The following MXD4 variants were observed in gnomAD, a reference collection of about 807,000 sequenced individuals.
MXD4 encodes Mad4 homolog.
MXD4 carries 16 observed loss-of-function variants against 24.5 expected under a neutral mutation model. That is an observed-to-expected ratio of 0.65 (90% CI 0.44 to 0.99). MXD4 has a LOEUF of 0.99. Ranked by LOEUF, MXD4 falls within the 50% of genes least tolerant of loss-of-function variation. MXD4 has a pLI of 0.00. For missense variants in MXD4, 301 were observed against 301.5 expected, an observed-to-expected ratio of 1.00 and a Z score of 0.01; for synonymous variants, 164 against 134.2, an observed-to-expected ratio of 1.22 and a Z score of -1.54.
chr4:2,250,860 C>G (rs558212285), intron 5 of MXD4, among the ~76,000 whole-genome samples, 159 bp from the exon 6 acceptor site: 1 of 152,296 alleles, frequency 6.6e-6, no homozygotes, highest in East Asian at 1.9e-4. Context: ...TGGCTGAGAA[C>G]CCGGCCTCAG....
chr4:2,252,274 C>T lies in MXD4; in HGVS notation c.309+134G>A, dbSNP rs534313553. ...CCACCAGGCCCCCGACACACACCCGCCAGATGGCTCCCCACCCATCTTCAG... is the reference window on the plus strand; with the variant it reads ...CCACCAGGCCCCCGACACACACCCGTCAGATGGCTCCCCACCCATCTTCAG... On this transcript the variant is annotated intron_variant, in intron 4 of 5. Transcript: ENST00000337190. 2.5e-5 allele frequency: 18 copies of T among 706,790 alleles called. No homozygotes were observed. The African/African-American group carries it at 3.0e-4, about 12-fold the overall frequency. 43.8% of individuals were successfully genotyped at this position (706,790 alleles called of 1,614,324 possible).
chr4:2,251,950 A>T (rs1007236648), intron 4 of MXD4, among the ~76,000 whole-genome samples: 1 of 152,050 alleles, frequency 6.6e-6, no homozygotes, highest in African/African-American at 2.4e-5. Flanking sequence ...CTGAGCCCAG[A>T]CCCACTGCCA....
intron 4 of MXD4, 92 bp from the exon 5 acceptor site, chr4:2,251,338 G>C: frequency 2.1e-6 from 3 of 1,405,248 alleles, no homozygotes; most frequent in Non-Finnish European, 2.8e-6. Flanking sequence ...CTGGGCCCGG[G>C]AGGTTCCCCA....
intron 3 of MXD4, chr4:2,252,761 C>T (rs1009225891): frequency 2.3e-5 from 11 of 472,470 alleles, no homozygotes; most frequent in African/African-American, 2.2e-4. Context: ...CCTGCAAAGC[C>T]TCAGCGCGTC....
At chr4:2,258,771 G>A (rs1735480789) in intron 2 of MXD4, 3 of 399,518 alleles carry the variant, frequency 7.5e-6, no homozygotes, top group Non-Finnish European at 1.5e-5. Flanking sequence ...GTAGGCACAG[G>A]GGGACACTGA....
Position 2,251,083 on chromosome 4 carries a change from C to T in MXD4, c.472+1G>A. ...AGGCTGCCCCGCGCCCCACGCCCCA[C>T]CTTGCTCTGAGTCGTCCGTGGAGAC... On this transcript the variant is annotated splice_donor_variant, in intron 5 of 5. Transcript: ENST00000337190. LOFTEE classifies it high-confidence loss of function. The T allele has an allele frequency of 2.6e-6, 4 of 1,568,298 alleles. No individual in the cohort carries two copies. The highest frequency in any genetic ancestry group is 3.5e-6 in the Non-Finnish European group (4 of 1,151,454).
chr4:2,251,274 C>G (rs1166742770), intron 4 of MXD4, 28 bp from the exon 5 acceptor site: 1 of 1,557,016 alleles, frequency 6.4e-7, no homozygotes, highest in Admixed American at 1.8e-5. Flanking sequence ...TGTGAGCTCA[C>G]AGCGGGAAGA....
chr4:2,258,829 G>A, intron 2 of MXD4: 1 of 446,178 alleles, frequency 2.2e-6, no homozygotes, highest in Non-Finnish European at 4.5e-6. Context: ...AGGATGGGCT[G>A]CCCTGGAGGC....
At position 2,257,954 on chromosome 4, in the gene MXD4, TCATGTGGGG is replaced by T; in HGVS notation, c.194+19_194+27del. On this transcript the variant is annotated intron_variant, in intron 3 of 5. Coordinates refer to ENST00000337190, the MANE Select transcript of MXD4 (RefSeq NM_006454.3). ...TAAAAGGGTGGGCCAGGTGTCGGGC[TCATGTGGGG>T]AACTGGGGGGTCACTTACCTGTGCT... The T allele has an allele frequency of 1.2e-6, 2 of 1,613,574 alleles. No homozygotes were observed. Among genetic ancestry groups the T allele is most frequent in the Non-Finnish European group, 1.7e-6 (2 of 1,179,880 alleles).
At chr4:2,252,562 G>A (rs767553386) in intron 3 of MXD4, 40 bp from the exon 4 acceptor site, 2 of 1,487,840 alleles carry the variant, frequency 1.3e-6, no homozygotes, top group East Asian at 2.3e-5. Context: ...CTGGGGTGGG[G>A]GAGGGCAGCA....
chr4:2,260,860 G>C (rs897338337), intron 2 of MXD4, among the ~76,000 whole-genome samples: 13 of 152,196 alleles, frequency 8.5e-5, no homozygotes, highest in Non-Finnish European at 1.6e-4. Context: ...GGCCCAGACA[G>C]GACCAGGTGT....
At chr4:2,259,713 G>C (rs776130046) in intron 2 of MXD4, among the ~76,000 whole-genome samples, 1 of 152,266 alleles carries the variant, frequency 6.6e-6, no homozygotes, top group Non-Finnish European at 1.5e-5. Flanking sequence ...GGGGTCCATC[G>C]AGGGGGATGT....
intron 3 of MXD4, chr4:2,252,776 C>T (rs989653766): frequency 1.2e-5 from 5 of 410,018 alleles, no homozygotes; most frequent in Non-Finnish European, 2.2e-5. Context: ...CGCGTCACCG[C>T]CAGGCATTTC....
rs142138712 is a variant in MXD4 at position 2,260,662 on chromosome 4, A to C, written c.164+1063T>G. ...GGGCTGGGACTCAGGGACGGGTCCC[A>C]GCCAGGGCAGCTGGAGACTCAACCA... On this transcript the variant is annotated intron_variant, in intron 2 of 5. Coordinates refer to ENST00000337190, the MANE Select transcript of MXD4 (RefSeq NM_006454.3). The C allele has an allele frequency of 6.0e-4, 265 of 441,264 alleles. 2 individuals carry two copies. The highest frequency in any genetic ancestry group is 5.0e-3 in the African/African-American group (246 of 49,522). 27.3% of individuals were successfully genotyped at this position (441,264 alleles called of 1,614,324 possible).
At chr4:2,253,402 G>A (rs1344390239) in intron 3 of MXD4, 2 of 152,242 alleles carry the variant, frequency 1.3e-5, no homozygotes, top group Non-Finnish European at 2.9e-5. Flanking sequence ...GCACCCGGAG[G>A]TTTTGTCACT....
chr4:2,248,621 T>C lies in MXD4; in HGVS notation c.*1923A>G, dbSNP rs948112871. On this transcript the variant is annotated 3_prime_UTR_variant, in exon 6 of 6. Coordinates refer to ENST00000337190, the MANE Select transcript of MXD4 (RefSeq NM_006454.3). ...GGCCGGAAGGAGATGCAGACAGGCC[T>C]CCTCACAACCACCCGCAACGCGTTC... 6.6e-6 allele frequency: 1 copy of C among 152,250 alleles called. No homozygotes were observed. Among genetic ancestry groups the C allele is most frequent in the Non-Finnish European group, 1.5e-5 (1 of 68,120 alleles). 9.4% of individuals were successfully genotyped at this position (152,250 alleles called of 1,614,324 possible).
chr4:2,257,877 C>T (rs1199903306), intron 3 of MXD4, 105 bp downstream of exon 3: 40 of 1,454,618 alleles, frequency 2.7e-5, no homozygotes, highest in South Asian at 4.7e-5. Context: ...CCTGGCAGCA[C>T]GGCTGGCCGT....
rs919981039 is a variant in MXD4 at position 2,261,764 on chromosome 4, G to C, written c.125C>G (p.Thr42Arg). ...CTTGCGCACCAGGCCGGCCGCCTTT[G>C]TTTTCTCCCTGGCGAAGTCGCCGTC... ...PFDGDFAREK[T>R]KAAGLVRKAP... Residue 42 changes from threonine (T) to arginine (R), a missense_variant, in exon 2 of 6, where the codon ACA becomes AGA. Physicochemically the swap from Thr to Arg is moderately conservative, Grantham distance 71. Coordinates refer to ENST00000337190, the MANE Select transcript of MXD4 (RefSeq NM_006454.3). 1.3e-5 allele frequency: 19 copies of C among 1,432,152 alleles called. No individual in the cohort carries two copies. Among genetic ancestry groups the C allele is most frequent in the African/African-American group, 3.0e-5 (2 of 67,150 alleles). The allele number at this position is 1,432,152 out of a possible 1,614,324, so 88.7% of individuals were successfully genotyped here.
rs562559045 is a variant in MXD4, at chr4:2,250,302, G to A, written c.*242C>T. ...GACCGTGGGCGGCTATGCTGACCAG[G>A]GCTCCGGATGTGGAAGCTGGGCCCT... On this transcript the variant is annotated 3_prime_UTR_variant, in exon 6 of 6. Transcript: ENST00000337190. The A allele has an allele frequency of 1.4e-5, 8 of 581,842 alleles. No individual in the cohort carries two copies. Among genetic ancestry groups the A allele is most frequent in the Non-Finnish European group, 2.1e-5 (7 of 329,210 alleles). 36.0% of individuals were successfully genotyped at this position (581,842 alleles called of 1,614,324 possible). A position where few individuals can be genotyped will look rare whatever the true frequency, so the allele number is the denominator to read the frequency against.
Sources: allele counts gnomAD v4.1 joint callset (sites outside exome capture counted in the v4.1 genomes callset), GRCh38; gene constraint gnomAD v4.1.1; transcripts MANE v1.5; gene names NCBI Gene and HGNC (gene_info 2026-07-23, HGNC 2026-07-21).